CNTNAP2: variants seen among roughly 807,000 people sequenced by gnomAD.
The protein encoded by CNTNAP2 is contactin associated protein 2, also known as contactin-associated protein-like 2.
CNTNAP2 carries 98 observed loss-of-function variants against 155.2 expected under a neutral mutation model. That is an observed-to-expected ratio of 0.63 (90% confidence interval 0.54 to 0.75). The LOEUF is 0.75. Ranked by LOEUF, CNTNAP2 falls within the 30% of genes least tolerant of loss-of-function variation. The pLI, the probability that CNTNAP2 is intolerant of heterozygous loss-of-function variation, is 0.00. For synonymous variants in CNTNAP2, 651 were observed against 631.2 expected, an observed-to-expected ratio of 1.03 and a Z score of -0.47; for missense variants, 1,727 against 1,688.1, an observed-to-expected ratio of 1.02 and a Z score of -0.40.
At chr7:148,022,675 C>T (rs1393022459) in intron 15 of CNTNAP2, among the ~76,000 whole-genome samples, 2 of 150,584 alleles carry the variant, frequency 1.3e-5, no homozygotes, top group African/African-American at 4.9e-5. Flanking sequence ...TATTACTGTT[C>T]GTGGAGTGTT....
At chr7:147,836,602 T>C (rs966710643) in intron 13 of CNTNAP2, among the ~76,000 whole-genome samples, 4 of 152,200 alleles carry the variant, frequency 2.6e-5, no homozygotes, top group Non-Finnish European at 5.9e-5. Flanking sequence ...TTCACAGTCA[T>C]GATCATTGTT....
intron 8 of CNTNAP2, among the ~76,000 whole-genome samples, chr7:147,203,403 C>T (rs4529378): frequency 0.52 from 78,703 of 151,840 alleles, 20,879 homozygotes; most frequent in Middle Eastern, 0.67. Context: ...AGCTAATTTT[C>T]GTATTTTTAG....
At chr7:147,011,938 T>A (rs1212700019) in intron 3 of CNTNAP2, among the ~76,000 whole-genome samples, 1 of 152,204 alleles carries the variant, frequency 6.6e-6, no homozygotes, top group East Asian at 1.9e-4. Flanking sequence ...TCTACTAGAA[T>A]TAGACCAGAT....
chr7:146,559,855 A>G (rs896182776), intron 1 of CNTNAP2, among the ~76,000 whole-genome samples: 2 of 152,150 alleles, frequency 1.3e-5, no homozygotes, highest in African/African-American at 4.8e-5. Flanking sequence ...TACATACAAA[A>G]AAAATGACAC....
intron 9 of CNTNAP2, among the ~76,000 whole-genome samples, chr7:147,366,104 A>G (rs1796225078): frequency 6.6e-6 from 1 of 152,198 alleles, no homozygotes; most frequent in Admixed American, 6.5e-5. Context: ...ATTATTTTAG[A>G]TGCAAATAGC....
intron 13 of CNTNAP2, among the ~76,000 whole-genome samples, chr7:147,760,623 C>T (rs1244843295): frequency 6.6e-6 from 1 of 152,180 alleles, no homozygotes; most frequent in Non-Finnish European, 1.5e-5. Context: ...TTTTTCCTGG[C>T]CTTCTGCTCC....
intron 1 of CNTNAP2, among the ~76,000 whole-genome samples, chr7:146,139,527 A>G (rs1797847217): frequency 6.6e-6 from 1 of 152,210 alleles, no homozygotes; most frequent in Non-Finnish European, 1.5e-5. Flanking sequence ...TAGAAGATGT[A>G]GCAAACTTCC....
chr7:148,364,740 A>G (rs1798704408), intron 21 of CNTNAP2, among the ~76,000 whole-genome samples: 1 of 152,182 alleles, frequency 6.6e-6, no homozygotes, highest in Non-Finnish European at 1.5e-5. Context: ...GGCTCTACCA[A>G]TCAGCAGGAT....
chr7:148,156,531 C>T (rs991869602), intron 17 of CNTNAP2, among the ~76,000 whole-genome samples: 8 of 152,054 alleles, frequency 5.3e-5, no homozygotes, highest in Non-Finnish European at 7.4e-5. Context: ...TCTTCTCATC[C>T]GAATATTGTC....
intron 19 of CNTNAP2, among the ~76,000 whole-genome samples, chr7:148,228,605 C>T (rs891295111): frequency 8.6e-5 from 13 of 151,990 alleles, no homozygotes; most frequent in African/African-American, 3.1e-4. Context: ...TGGCAGATGA[C>T]GAGGTCCGGA....
intron 3 of CNTNAP2, among the ~76,000 whole-genome samples, chr7:146,871,758 T>C (rs1435748161): frequency 1.3e-5 from 2 of 152,136 alleles, no homozygotes; most frequent in East Asian, 1.9e-4. Flanking sequence ...ATATGATTTA[T>C]TATTTCAAAA....
intron 8 of CNTNAP2, among the ~76,000 whole-genome samples, chr7:147,282,317 T>C (rs371900330): frequency 6.6e-6 from 1 of 151,938 alleles, no homozygotes; most frequent in African/African-American, 2.4e-5. Flanking sequence ...ATTTAGTTTT[T>C]CAAACTTGAC....
rs149519099 is a variant in CNTNAP2, at chr7:147,106,878, C to T, written c.551-1269C>T. ...TTACAAGGCAAACCAAAGTGTTCCT[C>T]GTGGTGATTGGAGTAAACAAGTGCC... On this transcript the variant is annotated intron_variant, in intron 4 of 23. Coordinates refer to ENST00000361727, the MANE Select transcript of CNTNAP2 (RefSeq NM_014141.6). 4.6e-5 allele frequency among the ~76,000 whole-genome samples: 7 copies of T among 152,176 alleles called. No individual in the cohort carries two copies. In the East Asian group the frequency reaches 9.7e-4, roughly 21 times the overall value.
intron 3 of CNTNAP2, among the ~76,000 whole-genome samples, chr7:147,015,624 A>G (rs1209258130): frequency 1.3e-5 from 2 of 152,056 alleles, no homozygotes; most frequent in African/African-American, 4.8e-5. Context: ...ATTTTTGAGG[A>G]TATAATGGGA....
intron 1 of CNTNAP2, among the ~76,000 whole-genome samples, chr7:146,412,653 G>A (rs2129111416): frequency 6.6e-6 from 1 of 152,306 alleles, no homozygotes; most frequent in Non-Finnish European, 1.5e-5. Context: ...TTTCTTTTCG[G>A]TGCATATTAA....
chr7:147,710,950 G>A (rs1419499240), intron 13 of CNTNAP2, among the ~76,000 whole-genome samples: 1 of 152,140 alleles, frequency 6.6e-6, no homozygotes, highest in Non-Finnish European at 1.5e-5. Context: ...CAGATGAAGG[G>A]CATTTGATAT....
At chr7:146,536,342 AAT>A (rs1797868559) in intron 1 of CNTNAP2, among the ~76,000 whole-genome samples, 1 of 152,132 alleles carries the variant, frequency 6.6e-6, no homozygotes, top group Non-Finnish European at 1.5e-5. Context: ...CCACATCATT[AAT>A]ATGAGTATTA....
At chr7:147,045,790 C>A in intron 4 of CNTNAP2, among the ~76,000 whole-genome samples, 1 of 151,976 alleles carries the variant, frequency 6.6e-6, no homozygotes. Context: ...CCATGTTTAA[C>A]TTTTAGTAAA....
intron 8 of CNTNAP2, among the ~76,000 whole-genome samples, chr7:147,292,812 C>T (rs998503703): frequency 1.3e-5 from 2 of 152,112 alleles, no homozygotes; most frequent in African/African-American, 4.8e-5. Context: ...TCTTATTGAC[C>T]AGGCTGGAGT....
Sources: gnomAD v4.1 joint callset for allele counts (sites outside exome capture counted in the v4.1 genomes callset) on GRCh38, gnomAD v4.1.1 for gene constraint, MANE v1.5 for transcripts, NCBI Gene and HGNC (gene_info 2026-07-23, HGNC 2026-07-21) for gene names.